The following GRM1 variants were observed in gnomAD, a reference collection of about 807,000 sequenced individuals.
GRM1 encodes the protein metabotropic glutamate receptor 1.
In GRM1, 33 loss-of-function variants were observed where a neutral mutation model predicts 90.9. The ratio of observed to expected loss-of-function variants is 0.36; its 90% CI spans 0.28 to 0.49. GRM1 has a LOEUF of 0.49. Ranked by LOEUF, GRM1 falls within the 20% of genes least tolerant of loss-of-function variation. GRM1 has a pLI of 0.99. For missense variants in GRM1, 1,190 were observed against 1,534.3 expected (o/e 0.78, Z 3.75); for synonymous variants, 700 against 613.2 (o/e 1.14, Z -2.09).
chr6:146,252,270 A>T (rs545213473), intron 2 of GRM1, among the ~76,000 whole-genome samples: 10 of 152,316 alleles, frequency 6.6e-5, no homozygotes, highest in Admixed American at 3.3e-4. Context: ...TAAGGGTTTG[A>T]TTCACTTTTT....
intron 2 of GRM1, among the ~76,000 whole-genome samples, chr6:146,210,871 A>G (rs867135453): frequency 6.6e-6 from 1 of 152,146 alleles, no homozygotes; most frequent in South Asian, 2.1e-4. Context: ...GCACATGGGC[A>G]GGCTTGTGTA....
intron 2 of GRM1, among the ~76,000 whole-genome samples, chr6:146,164,677 C>CT (rs1644066433): frequency 6.6e-6 from 1 of 152,070 alleles, no homozygotes; most frequent in African/African-American, 2.4e-5. Context: ...CTGGGTCTCA[C>CT]TAGTAGGTCC....
chr6:146,138,651 A>G (rs1173484042), intron 1 of GRM1, among the ~76,000 whole-genome samples: 2 of 152,068 alleles, frequency 1.3e-5, no homozygotes, highest in Non-Finnish European at 2.9e-5. Context: ...TAGGTTGTCC[A>G]ATTATTGGCA....
intron 7 of GRM1, among the ~76,000 whole-genome samples, chr6:146,406,653 T>C (rs766388049): frequency 1.1e-4 from 16 of 151,852 alleles, no homozygotes; most frequent in Non-Finnish European, 2.1e-4. Context: ...ACATGGCAAA[T>C]CTCTGTCTCT....
intron 1 of GRM1, among the ~76,000 whole-genome samples, chr6:146,063,902 A>G (rs1370329103): frequency 6.6e-6 from 1 of 152,178 alleles, no homozygotes; most frequent in African/African-American, 2.4e-5. Context: ...ATTATTATCT[A>G]TGCTAATTAA....
chr6:146,246,040 C>T (rs1781049368), intron 2 of GRM1, among the ~76,000 whole-genome samples: 1 of 152,116 alleles, frequency 6.6e-6, no homozygotes, highest in Non-Finnish European at 1.5e-5. Flanking sequence ...TTAAATGATG[C>T]TTATAAATTT....
chr6:146,312,081 C>T (rs1783790828), intron 3 of GRM1, among the ~76,000 whole-genome samples: 1 of 152,014 alleles, frequency 6.6e-6, no homozygotes, highest in Non-Finnish European at 1.5e-5. Flanking sequence ...GTGGCTCACG[C>T]CTGTAATCCC....
At chr6:146,397,473 CAAAAAAAAAAGAAAA>C (rs1270619559) in intron 6 of GRM1, among the ~76,000 whole-genome samples, 4 of 16,762 alleles carry the variant, frequency 2.4e-4, no homozygotes, top group Admixed American at 6.8e-4. Flanking sequence ...GACCCCGTCT[CAAAAAAAAAAGAAAA>C]AAAAAAAAAA....
chr6:146,123,572 C>T (rs972183282), intron 1 of GRM1, among the ~76,000 whole-genome samples: 3 of 152,180 alleles, frequency 2.0e-5, no homozygotes, highest in Non-Finnish European at 4.4e-5. Flanking sequence ...GCTAGAAGCT[C>T]ATGATACAAT....
At chr6:146,421,247 GA>G (rs1386275843) in intron 7 of GRM1, among the ~76,000 whole-genome samples, 1 of 151,950 alleles carries the variant, frequency 6.6e-6, no homozygotes, top group South Asian at 2.1e-4. Context: ...CAAAATGTAG[GA>G]AAAAAACTAA....
intron 1 of GRM1, among the ~76,000 whole-genome samples, chr6:146,155,226 T>C (rs1777480763): frequency 6.6e-6 from 1 of 152,192 alleles, no homozygotes; most frequent in African/African-American, 2.4e-5. Flanking sequence ...GGGCCACCCA[T>C]ATATGATTGT....
intron 1 of GRM1, among the ~76,000 whole-genome samples, chr6:146,118,089 A>G (rs1471854104): frequency 2.0e-5 from 3 of 149,898 alleles, no homozygotes; most frequent in Admixed American, 6.6e-5. Flanking sequence ...ATGTCTTTAT[A>G]TATCTGACAT....
At chr6:146,244,243 T>G (rs112502976) in intron 2 of GRM1, among the ~76,000 whole-genome samples, 18 of 152,090 alleles carry the variant, frequency 1.2e-4, no homozygotes, top group African/African-American at 4.1e-4. Flanking sequence ...ATCACAAGAG[T>G]ATTGATTAGG....
At chr6:146,388,887 C>G (rs989646044) in intron 6 of GRM1, among the ~76,000 whole-genome samples, 1 of 152,004 alleles carries the variant, frequency 6.6e-6, no homozygotes, top group African/African-American at 2.4e-5. Flanking sequence ...CCAGGGTCAT[C>G]GAGGTCAATG....
At chr6:146,107,037 A>C (rs1167777521) in intron 1 of GRM1, among the ~76,000 whole-genome samples, 1 of 152,218 alleles carries the variant, frequency 6.6e-6, no homozygotes, top group Non-Finnish European at 1.5e-5. Context: ...CTTTGGCCTC[A>C]GTGGCCCTTT....
chr6:146,090,164 C>T (rs1227726165), intron 1 of GRM1, among the ~76,000 whole-genome samples: 1 of 152,032 alleles, frequency 6.6e-6, no homozygotes, highest in Non-Finnish European at 1.5e-5. Context: ...AATCCAAGCC[C>T]TGTTTTTTGG....
At chr6:146,231,188 C>G (rs1360585024) in intron 2 of GRM1, among the ~76,000 whole-genome samples, 1 of 152,118 alleles carries the variant, frequency 6.6e-6, no homozygotes, top group East Asian at 1.9e-4. Context: ...AACATATCCT[C>G]ATCAGCTGTG....
intron 1 of GRM1, among the ~76,000 whole-genome samples, chr6:146,074,485 C>T (rs1452528785): frequency 1.3e-5 from 2 of 151,978 alleles, no homozygotes; most frequent in East Asian, 3.9e-4. Context: ...TACATTAGAC[C>T]CCACCCAGAG....
intron 7 of GRM1, among the ~76,000 whole-genome samples, chr6:146,418,333 A>G (rs929024533): frequency 8.6e-5 from 13 of 151,876 alleles, no homozygotes; most frequent in Non-Finnish European, 1.8e-4. Flanking sequence ...CTGAATTATT[A>G]GGTCATGATA....
Sources: gnomAD v4.1 joint callset for allele counts (sites outside exome capture counted in the v4.1 genomes callset) on GRCh38, gnomAD v4.1.1 for gene constraint, MANE v1.5 for transcripts, NCBI Gene and HGNC (gene_info 2026-07-23, HGNC 2026-07-21) for gene names.